Variants in VIPAS39 observed in about 807,000 individuals in gnomAD.
The protein encoded by VIPAS39 is spermatogenesis-defective protein 39 homolog.
VIPAS39 carries 63 observed loss-of-function variants against 84.7 expected under a neutral mutation model. The observed-to-expected ratio is 0.74, with a 90% CI of 0.61 to 0.92. VIPAS39 has a LOEUF of 0.92. Among genes scored for constraint, VIPAS39 ranks in the 40% least tolerant of loss-of-function variants. The pLI is 0.00. For missense variants in VIPAS39, 499 were observed against 604.5 expected (o/e 0.83, Z 1.83); for synonymous variants, 192 against 216.5 (o/e 0.89, Z 0.99).
intron 17 of VIPAS39, 140 bp downstream of exon 17, chr14:77,429,541 G>C: frequency 1.1e-6 from 1 of 885,832 alleles, no homozygotes; most frequent in Non-Finnish European, 1.9e-6. Context: ...GGCCTTTTCT[G>C]TCTTGAGGCC....
intron 7 of VIPAS39, among the ~76,000 whole-genome samples, chr14:77,447,322 G>T (rs1017326768): frequency 6.7e-6 from 1 of 149,420 alleles, no homozygotes. Context: ...ACCGTGCCCG[G>T]CCGCACACCT....
At chr14:77,457,238 A>G in intron 1 of VIPAS39, 1 of 1,531,720 alleles carries the variant, frequency 6.5e-7, no homozygotes. Context: ...CGCAGTCGTC[A>G]GAGCCCAGCG....
intron 16 of VIPAS39, among the ~76,000 whole-genome samples, chr14:77,432,394 T>C (rs1384168124): frequency 2.0e-5 from 3 of 152,156 alleles, no homozygotes; most frequent in Non-Finnish European, 4.4e-5. Context: ...AGAACTACTA[T>C]ATGATCCAGC....
At chr14:77,443,225 G>A in intron 8 of VIPAS39, 73 bp from the exon 9 acceptor site, 1 of 1,566,086 alleles carries the variant, frequency 6.4e-7, no homozygotes, top group Non-Finnish European at 8.8e-7. Flanking sequence ...ACAGACACGG[G>A]GCCAGCAACT....
In VIPAS39 at chr14:77,453,360, G is replaced by A. The variant is rs1230748332; in HGVS notation, c.135C>T (p.Phe45=). 24 of 1,613,798 alleles carry A rather than the reference G, an allele frequency of 1.5e-5. No homozygotes were observed. Among genetic ancestry groups the A allele is most frequent in the Non-Finnish European group, 2.0e-5 (24 of 1,179,992 alleles). ...GGTCATCATCGTCATCATCATCCAC[G>A]AAGTCTCGGAGGCTGTTCACCGCCC... ...SKRAVNSLRD[F]VDDDDDDDLE... The change falls in exon 3 of 20, where the codon TTC becomes TTT. Residue 45 remains phenylalanine, a synonymous_variant. Coordinates refer to ENST00000557658, the MANE Select transcript of VIPAS39 (RefSeq NM_001193315.2).
intron 14 of VIPAS39, 34 bp downstream of exon 14, chr14:77,435,225 A>G (rs748999200): frequency 6.6e-5 from 106 of 1,613,674 alleles, no homozygotes; most frequent in Middle Eastern, 1.6e-4. Flanking sequence ...TTGTGCAATG[A>G]GAGTTTGTGG....
intron 14 of VIPAS39, 21 bp downstream of exon 14, chr14:77,435,238 T>C: frequency 6.2e-7 from 1 of 1,614,154 alleles, no homozygotes; most frequent in Non-Finnish European, 8.5e-7. Flanking sequence ...GTTTGTGGAA[T>C]CTTCCATATT....
At chr14:77,434,981 T>A (rs1252483534) in intron 14 of VIPAS39, among the ~76,000 whole-genome samples, 2 of 152,046 alleles carry the variant, frequency 1.3e-5, no homozygotes, top group Non-Finnish European at 2.9e-5. Context: ...TTTGATATTG[T>A]GGACCTTTGA....
chr14:77,453,502 A>C, intron 2 of VIPAS39, 101 bp from the exon 3 acceptor site: 1 of 1,099,748 alleles, frequency 9.1e-7, no homozygotes, highest in Non-Finnish European at 1.4e-6. Flanking sequence ...GAAGGTGGCC[A>C]ACACTCGCCC....
intron 7 of VIPAS39, among the ~76,000 whole-genome samples, chr14:77,447,052 T>G (rs554885838): frequency 1.3e-5 from 2 of 149,738 alleles, no homozygotes; most frequent in East Asian, 3.9e-4. Flanking sequence ...CTGGCTTTTT[T>G]TTTTTTAAGA....
intron 11 of VIPAS39, chr14:77,440,346 T>TG (rs1465797187): frequency 6.6e-6 from 1 of 152,160 alleles, no homozygotes; most frequent in Admixed American, 6.6e-5. Context: ...TCTTAACACC[T>TG]GGCCATTGAA....
Position 77,449,477 on chromosome 14 carries a change from G to T in VIPAS39, c.383-120C>A, listed in dbSNP as rs1055268403. Reference sequence around the variant, plus strand: ...GTGGGCTCCCAATGTTAACTTTATGGCCAAAAGCAGATCTCCGTTCTTCCC... The same window carrying T: ...GTGGGCTCCCAATGTTAACTTTATGTCCAAAAGCAGATCTCCGTTCTTCCC... On this transcript the variant is annotated intron_variant, in intron 5 of 19. Coordinates refer to ENST00000557658, the MANE Select transcript of VIPAS39 (RefSeq NM_001193315.2). The T allele has an allele frequency of 3.0e-6, 4 of 1,346,866 alleles. No homozygotes were observed. The African/African-American group carries it at 4.3e-5, about 15-fold the overall frequency. The allele number at this position is 1,346,866 out of a possible 1,614,324, so 83.4% of individuals were successfully genotyped here.
chr14:77,432,988 G>T lies in VIPAS39; in HGVS notation c.1179+854C>A, dbSNP rs181982554. ...TATATGTAGATCAAAACATTATGTTGTACCTTAAATATATACAATAAAAAT... is the reference window on the plus strand; with the variant it reads ...TATATGTAGATCAAAACATTATGTTTTACCTTAAATATATACAATAAAAAT... On this transcript the variant is annotated intron_variant, in intron 16 of 19. Coordinates refer to ENST00000557658, the MANE Select transcript of VIPAS39 (RefSeq NM_001193315.2). Among the ~76,000 whole-genome samples the T allele has an allele frequency of 3.4e-3, 524 of 152,006 alleles. 2 individuals are homozygous for T. The highest frequency in any genetic ancestry group is 0.012 in the African/African-American group (495 of 41,424).
chr14:77,457,480 T>C lies in VIPAS39; in HGVS notation c.-1+15A>G. 1 of 1,342,464 alleles carries C rather than the reference T, an allele frequency of 7.4e-7. No individual in the cohort carries two copies. The highest frequency in any genetic ancestry group is 1.0e-6 in the Non-Finnish European group (1 of 974,514). 83.2% of individuals were successfully genotyped at this position (1,342,464 alleles called of 1,614,324 possible). A position where few individuals can be genotyped will look rare whatever the true frequency, so the allele number is the denominator to read the frequency against. ...CAGCCAGATACGCGACCCAAGGGGC[T>C]TGGGACACCCTCACCTCTTCCGCAC... On this transcript the variant is annotated intron_variant, in intron 1 of 19. Coordinates refer to ENST00000557658, the MANE Select transcript of VIPAS39 (RefSeq NM_001193315.2).
intron 1 of VIPAS39, chr14:77,457,149 G>A: frequency 7.0e-7 from 1 of 1,438,176 alleles, no homozygotes; most frequent in Non-Finnish European, 9.1e-7. Context: ...TACAGGTGAG[G>A]CTTGTGAACT....
At chr14:77,457,445 A>C in intron 1 of VIPAS39, 50 bp downstream of exon 1, 3 of 1,518,606 alleles carry the variant, frequency 2.0e-6, no homozygotes, top group Non-Finnish European at 2.7e-6. Flanking sequence ...AGATGCGGAG[A>C]GGCTGGATCC....
At chr14:77,431,840 A>G (rs1309610703) in intron 16 of VIPAS39, among the ~76,000 whole-genome samples, 1 of 152,228 alleles carries the variant, frequency 6.6e-6, no homozygotes, top group Non-Finnish European at 1.5e-5. Flanking sequence ...AAATGTAACT[A>G]TTATAAATTA....
chr14:77,444,991 C>A (rs1035653365), intron 7 of VIPAS39, among the ~76,000 whole-genome samples: 1 of 150,946 alleles, frequency 6.6e-6, no homozygotes, highest in Admixed American at 6.6e-5. Flanking sequence ...CGGAGTCTCG[C>A]TCTGTCGCCC....
chr14:77,453,964 A>G (rs761967026), intron 2 of VIPAS39, 46 bp downstream of exon 2: 1 of 1,587,708 alleles, frequency 6.3e-7, no homozygotes, highest in Middle Eastern at 1.7e-4. Flanking sequence ...AAGGAATTTT[A>G]TAGTGGCACT....
Sources: allele counts gnomAD v4.1 joint callset (sites outside exome capture counted in the v4.1 genomes callset), GRCh38; gene constraint gnomAD v4.1.1; transcripts MANE v1.5; gene names NCBI Gene and HGNC (gene_info 2026-07-23, HGNC 2026-07-21).